The following LHFPL3 variants were observed in gnomAD, a reference collection of about 807,000 sequenced individuals.
LHFPL3 encodes the protein LHFPL tetraspan subfamily member 3, also known as LHFPL tetraspan subfamily member 3 protein.
A neutral mutation model predicts 19.3 loss-of-function variants in LHFPL3; 5 were observed. That is an observed-to-expected ratio of 0.26 (90% CI 0.14 to 0.54). The LOEUF is 0.54. LHFPL3 is among the 20% of genes least tolerant of loss of function. The pLI is 0.94. For synonymous variants in LHFPL3, 133 were observed against 126.2 expected, an observed-to-expected ratio of 1.05 and a Z score of -0.36; for missense variants, 249 against 307.4, an observed-to-expected ratio of 0.81 and a Z score of 1.42.
At chr7:104,439,792 G>C (rs1792180694) in intron 1 of LHFPL3, among the ~76,000 whole-genome samples, 3 of 151,948 alleles carry the variant, frequency 2.0e-5, no homozygotes, top group Admixed American at 1.3e-4. Context: ...ACAAAACAAG[G>C]ATGTCTACTT....
At chr7:104,385,120 A>C (rs536674728) in intron 1 of LHFPL3, among the ~76,000 whole-genome samples, 1 of 152,112 alleles carries the variant, frequency 6.6e-6, no homozygotes, top group Non-Finnish European at 1.5e-5. Context: ...CCAGCATTTC[A>C]TTATATCTAG....
intron 2 of LHFPL3, among the ~76,000 whole-genome samples, chr7:104,874,898 G>A (rs1791908137): frequency 1.3e-5 from 2 of 149,458 alleles, no homozygotes; most frequent in South Asian, 2.2e-4. Flanking sequence ...CCAGGCTGGA[G>A]AGCAGTGGTG....
intron 1 of LHFPL3, among the ~76,000 whole-genome samples, chr7:104,358,220 G>A (rs928556491): frequency 3.9e-5 from 6 of 152,248 alleles, no homozygotes; most frequent in African/African-American, 9.6e-5. Context: ...AAAAAGTGTC[G>A]GAACTGGTAG....
intron 2 of LHFPL3, among the ~76,000 whole-genome samples, chr7:104,759,487 G>C (rs969285671): frequency 1.3e-4 from 19 of 151,980 alleles, no homozygotes; most frequent in African/African-American, 4.3e-4. Context: ...TTCATGTTAA[G>C]TCTTAAAATT....
chr7:104,516,770 T>C (rs1358836748), intron 1 of LHFPL3, among the ~76,000 whole-genome samples: 3 of 152,076 alleles, frequency 2.0e-5, no homozygotes, highest in African/African-American at 7.2e-5. Flanking sequence ...AGAACTACCA[T>C]TAGACCCAAT....
chr7:104,791,965 G>C (rs1790032318), intron 2 of LHFPL3, among the ~76,000 whole-genome samples: 1 of 152,124 alleles, frequency 6.6e-6, no homozygotes, highest in South Asian at 2.1e-4. Flanking sequence ...TTGCCTGAAG[G>C]AGCTTCCCTA....
chr7:104,615,877 C>G (rs183248879), intron 1 of LHFPL3, among the ~76,000 whole-genome samples: 1 of 152,116 alleles, frequency 6.6e-6, no homozygotes, highest in Non-Finnish European at 1.5e-5. Context: ...TGAGTGAACT[C>G]CCATTCACAA....
At chr7:104,709,698 G>C (rs1042284050) in intron 1 of LHFPL3, among the ~76,000 whole-genome samples, 8 of 151,460 alleles carry the variant, frequency 5.3e-5, no homozygotes, top group Non-Finnish European at 1.0e-4. Flanking sequence ...TTTTCTATTC[G>C]ACAAAACCGC....
At chr7:104,590,347 T>C (rs1179054929) in intron 1 of LHFPL3, among the ~76,000 whole-genome samples, 4 of 152,358 alleles carry the variant, frequency 2.6e-5, no homozygotes, top group Non-Finnish European at 5.9e-5. Context: ...AACATCTTTA[T>C]TTCTGCCTTC....
chr7:104,730,175 T>C (rs1186826906), intron 1 of LHFPL3, among the ~76,000 whole-genome samples: 1 of 152,250 alleles, frequency 6.6e-6, no homozygotes, highest in Non-Finnish European at 1.5e-5. Flanking sequence ...TCCAAATCTT[T>C]GCTGTTCTGA....
intron 1 of LHFPL3, among the ~76,000 whole-genome samples, chr7:104,419,682 T>G (rs1440641142): frequency 3.9e-5 from 6 of 152,176 alleles, no homozygotes; most frequent in Non-Finnish European, 8.8e-5. Flanking sequence ...GAGAGAAGGA[T>G]GAAGCCAAAG....
At chr7:104,620,789 G>A (rs1409815119) in intron 1 of LHFPL3, among the ~76,000 whole-genome samples, 1 of 152,186 alleles carries the variant, frequency 6.6e-6, no homozygotes, top group African/African-American at 2.4e-5. Flanking sequence ...TGATCAAAGA[G>A]AAGGCTAAAT....
chr7:104,581,170 C>T (rs1361111631), intron 1 of LHFPL3, among the ~76,000 whole-genome samples: 2 of 151,958 alleles, frequency 1.3e-5, no homozygotes, highest in Admixed American at 6.6e-5. Flanking sequence ...CCAGTTGCCC[C>T]ACATCTTTGC....
chr7:104,793,655 G>A (rs1034451783), intron 2 of LHFPL3, among the ~76,000 whole-genome samples: 3 of 152,138 alleles, frequency 2.0e-5, no homozygotes, highest in Non-Finnish European at 2.9e-5. Context: ...ACAAGAGCTG[G>A]GTTTGTTTTG....
intron 2 of LHFPL3, among the ~76,000 whole-genome samples, chr7:104,829,951 T>C (rs1790918732): frequency 6.6e-6 from 1 of 151,984 alleles, no homozygotes; most frequent in East Asian, 1.9e-4. Context: ...CCACCAACAG[T>C]GTAAAAGTAT....
At chr7:104,329,431 G>A (rs1801529056) in intron 1 of LHFPL3, among the ~76,000 whole-genome samples, 1 of 152,386 alleles carries the variant, frequency 6.6e-6, no homozygotes, top group East Asian at 1.9e-4. Flanking sequence ...TCGTCCCGGG[G>A]CTTTCGTGAG....
chr7:104,820,793 A>G (rs548555770), intron 2 of LHFPL3, among the ~76,000 whole-genome samples: 1 of 152,292 alleles, frequency 6.6e-6, no homozygotes, highest in African/African-American at 2.4e-5. Flanking sequence ...GGTCCTGGCT[A>G]TATCCTCTGC....
intron 1 of LHFPL3, among the ~76,000 whole-genome samples, chr7:104,570,445 A>G (rs1790211108): frequency 6.6e-6 from 1 of 152,240 alleles, no homozygotes; most frequent in South Asian, 2.1e-4. Flanking sequence ...TACTAACCAT[A>G]GATAGACCTG....
chr7:104,750,722 T>A (rs1482319717), intron 2 of LHFPL3, among the ~76,000 whole-genome samples: 3 of 152,174 alleles, frequency 2.0e-5, no homozygotes, highest in Admixed American at 6.5e-5. Context: ...TGTTGTATTG[T>A]GGTAACTGGC....
Sources: gnomAD v4.1 joint callset for allele counts (sites outside exome capture counted in the v4.1 genomes callset) on GRCh38, gnomAD v4.1.1 for gene constraint, MANE v1.5 for transcripts, NCBI Gene and HGNC (gene_info 2026-07-23, HGNC 2026-07-21) for gene names.